The following ZFAT variants were observed in gnomAD, a reference collection of about 807,000 sequenced individuals.
ZFAT encodes the protein zinc finger protein ZFAT.
Under a neutral mutation model 117.7 loss-of-function variants are expected in ZFAT, and 64 were observed. The ratio of observed to expected loss-of-function variants is 0.54; its 90% CI spans 0.44 to 0.67. ZFAT has a LOEUF of 0.67. Among genes scored for constraint, ZFAT ranks in the 30% least tolerant of loss-of-function variants. ZFAT has a pLI of 0.00. For synonymous variants in ZFAT, 679 were observed against 615.0 expected, an observed-to-expected ratio of 1.10 and a Z score of -1.54; for missense variants, 1,433 against 1,584.5, an observed-to-expected ratio of 0.90 and a Z score of 1.62.
chr8:134,736,412 T>C, the ZFAT span, among the ~76,000 whole-genome samples: 1 of 152,202 alleles, frequency 6.6e-6, no homozygotes, highest in Non-Finnish European at 1.5e-5. Context: ...ATGGTGGCCC[T>C]GCCTGCCATC....
At chr8:134,560,163 T>C (rs961433138) in intron 11 of ZFAT, among the ~76,000 whole-genome samples, 11 of 152,132 alleles carry the variant, frequency 7.2e-5, no homozygotes, top group African/African-American at 2.7e-4. Flanking sequence ...TCACAAACCA[T>C]TTTGGTATGG....
chr8:134,766,025 T>C, the ZFAT span: 1 of 152,268 alleles, frequency 6.6e-6, no homozygotes, highest in Non-Finnish European at 1.5e-5. Context: ...TGTCTCTACC[T>C]GAGTCACAAA....
chr8:134,490,768 T>C (rs961685218), intron 15 of ZFAT, among the ~76,000 whole-genome samples: 1 of 152,090 alleles, frequency 6.6e-6, no homozygotes, highest in Non-Finnish European at 1.5e-5. Flanking sequence ...CATTCCTAAG[T>C]CCATAAAGCA....
At chr8:134,757,247 C>T in the ZFAT span, among the ~76,000 whole-genome samples, 1 of 151,982 alleles carries the variant, frequency 6.6e-6, no homozygotes, top group African/African-American at 2.4e-5. Context: ...AAACTCCTGA[C>T]CTCAGGAGAT....
chr8:134,478,620 G>C lies in ZFAT; in HGVS notation c.3594C>G (p.Ser1198=). ...ELAEQHHLVV[S]SDDVEGIETV... ...TCTCAATGCCCTCCACGTCGTCGGA[G>C]GACACCACCAGGTGGTGCTGCTCGG... Residue 1198 remains serine, a synonymous_variant, in exon 16 of 16, where the codon TCC becomes TCG. Transcript: ENST00000377838. This position sits in a 1 kb window ranked among gnomAD's most constrained non-coding sequence, Gnocchi z 5.2. The C allele has an allele frequency of 6.3e-7, 1 of 1,586,832 alleles. No individual in the cohort carries two copies. Among genetic ancestry groups the C allele is most frequent in the Middle Eastern group, 1.7e-4 (1 of 6,032 alleles).
At chr8:134,496,017 CT>C (rs1394603393) in intron 15 of ZFAT, among the ~76,000 whole-genome samples, 1 of 152,194 alleles carries the variant, frequency 6.6e-6, no homozygotes, top group Non-Finnish European at 1.5e-5. Flanking sequence ...CAGCACTCAC[CT>C]GCTAAATGGA....
chr8:134,511,983 C>T (rs1819881975), intron 14 of ZFAT, among the ~76,000 whole-genome samples: 2 of 152,126 alleles, frequency 1.3e-5, no homozygotes, highest in Non-Finnish European at 2.9e-5. Flanking sequence ...CCTGCCTGGC[C>T]CCTGTAGGCC....
intron 15 of ZFAT, among the ~76,000 whole-genome samples, chr8:134,481,196 A>G (rs976889285): frequency 1.3e-5 from 2 of 152,166 alleles, no homozygotes; most frequent in African/African-American, 4.8e-5. Context: ...TTCACTTTGC[A>G]AGAGAGAACC....
intron 7 of ZFAT, among the ~76,000 whole-genome samples, chr8:134,592,982 T>C (rs1454504649): frequency 1.3e-5 from 2 of 152,216 alleles, no homozygotes; most frequent in African/African-American, 2.4e-5. Flanking sequence ...CTGAGTTTTC[T>C]GGCCAGGCAA....
At chr8:134,695,684 C>T (rs985144337) in intron 1 of ZFAT, among the ~76,000 whole-genome samples, 1 of 151,174 alleles carries the variant, frequency 6.6e-6, no homozygotes, top group Non-Finnish European at 1.5e-5. Flanking sequence ...GGCACCGCCC[C>T]CCCAGGCCCA....
the ZFAT span, among the ~76,000 whole-genome samples, chr8:134,739,367 G>T: frequency 6.6e-6 from 1 of 152,062 alleles, no homozygotes; most frequent in African/African-American, 2.4e-5. Context: ...ATGGGAGTAA[G>T]AAATGGAAGA....
chr8:134,723,555 C>T, the ZFAT span: 2 of 152,318 alleles, frequency 1.3e-5, no homozygotes, highest in South Asian at 2.1e-4. Flanking sequence ...TACTCTGCGA[C>T]TTAGAGAAGG....
rs147692739 is a variant in ZFAT at position 134,672,274 on chromosome 8, C to A, written c.20-14537G>T. Among the ~76,000 whole-genome samples, 726 of 152,092 alleles carry A rather than the reference C, an allele frequency of 4.8e-3. 6 individuals are homozygous for A. Among genetic ancestry groups the A allele is most frequent in the African/African-American group, 0.016 (678 of 41,490 alleles). The stretch of plus-strand genomic sequence containing the variant: ...AACTACTTTAAAGTTCATATGGAAC[C>A]AAAAAAGAGCCCACATTGCCAAGAC... On this transcript the variant is annotated intron_variant, in intron 1 of 15. Transcript: ENST00000377838.
the ZFAT span, among the ~76,000 whole-genome samples, chr8:134,763,736 T>C: frequency 6.6e-6 from 1 of 152,166 alleles, no homozygotes; most frequent in Admixed American, 6.5e-5. Context: ...CACGAATGAA[T>C]GGTCTTTGCC....
At chr8:134,793,230 A>G in the ZFAT span, 15 of 152,348 alleles carry the variant, frequency 9.8e-5, no homozygotes, top group East Asian at 2.5e-3. Context: ...CTAAGAAGGG[A>G]AGTGGACACA....
rs114222734 is a variant in ZFAT, at chr8:134,610,932, A to G, written c.449-277T>C. Among the ~76,000 whole-genome samples the G allele has an allele frequency of 4.7e-3, 711 of 152,358 alleles. 4 individuals carry two copies. Among genetic ancestry groups the G allele is most frequent in the African/African-American group, 0.016 (654 of 41,578 alleles). On this transcript the variant is annotated intron_variant, in intron 3 of 15. Transcript: ENST00000377838. ...TAGTTTCTTGTCTTGTCTTGTCTTC[A>G]TGAGGCCTAGCAGACTTCAGAATCA...
chr8:134,815,037 C>G, the ZFAT span, among the ~76,000 whole-genome samples: 5 of 152,102 alleles, frequency 3.3e-5, no homozygotes, highest in Admixed American at 2.6e-4. Flanking sequence ...GAAAAAAGAC[C>G]AACTCTTAAG....
At chr8:134,747,532 C>T in the ZFAT span, among the ~76,000 whole-genome samples, 2 of 152,030 alleles carry the variant, frequency 1.3e-5, no homozygotes, top group East Asian at 1.9e-4. Flanking sequence ...TTTGAAATAC[C>T]GAATCAGCAA....
chr8:134,819,903 C>T, the ZFAT span, among the ~76,000 whole-genome samples: 5 of 152,088 alleles, frequency 3.3e-5, no homozygotes, highest in Non-Finnish European at 7.4e-5. Flanking sequence ...GAATCCCAGC[C>T]AAGGTTTTGT....
Sources: allele counts gnomAD v4.1 joint callset (sites outside exome capture counted in the v4.1 genomes callset), GRCh38; gene constraint gnomAD v4.1.1; non-coding constraint Gnocchi (gnomAD v3.1); transcripts MANE v1.5; gene names NCBI Gene and HGNC (gene_info 2026-07-23, HGNC 2026-07-21).